Variants in FOXP2 observed in about 807,000 individuals in gnomAD.
FOXP2 encodes forkhead box protein P2.
In FOXP2, 12 loss-of-function variants were observed where a neutral mutation model predicts 115.8. The ratio of observed to expected loss-of-function variants is 0.10; its 90% CI spans 0.07 to 0.17. The LOEUF is 0.17. Ranked by LOEUF, FOXP2 falls within the 10% of genes least tolerant of loss-of-function variation. The probability of loss-of-function intolerance (pLI) is 1.00; values close to 1 mark genes in which losing one functional copy is unlikely to be tolerated. For synonymous variants in FOXP2, 328 were observed against 297.7 expected, an observed-to-expected ratio of 1.10 and a Z score of -1.05; for missense variants, 629 against 843.5, an observed-to-expected ratio of 0.75 and a Z score of 3.15.
intron 2 of FOXP2, among the ~76,000 whole-genome samples, chr7:114,362,235 G>A (rs542223444): frequency 6.6e-6 from 1 of 151,862 alleles, no homozygotes; most frequent in Non-Finnish European, 1.5e-5. Context: ...TACAAAAATG[G>A]CAATGAAAAT....
chr7:114,366,257 G>C (rs558393490), intron 2 of FOXP2, among the ~76,000 whole-genome samples: 58 of 152,100 alleles, frequency 3.8e-4, no homozygotes, highest in African/African-American at 1.4e-3. Flanking sequence ...AATAAGGCTT[G>C]GTAATAGCTG....
intron 1 of FOXP2, among the ~76,000 whole-genome samples, chr7:114,174,037 A>G (rs927612634): frequency 1.3e-5 from 2 of 152,022 alleles, no homozygotes; most frequent in Non-Finnish European, 2.9e-5. Context: ...ATAAAATTTA[A>G]ATGATCAAAT....
intron 1 of FOXP2, among the ~76,000 whole-genome samples, chr7:114,244,901 A>C (rs1002340370): frequency 5.3e-5 from 8 of 151,892 alleles, no homozygotes; most frequent in Middle Eastern, 6.8e-3. Context: ...AGCTAGGACT[A>C]CAGGCGCCCA....
chr7:114,449,673 CT>C (rs1240607756), intron 2 of FOXP2, among the ~76,000 whole-genome samples: 1 of 152,078 alleles, frequency 6.6e-6, no homozygotes, highest in East Asian at 1.9e-4. Flanking sequence ...TTAGTCCCTA[CT>C]TTGCCAATGA....
At chr7:114,147,716 A>G (rs1263446577) in intron 1 of FOXP2, among the ~76,000 whole-genome samples, 2 of 152,236 alleles carry the variant, frequency 1.3e-5, no homozygotes, top group Non-Finnish European at 2.9e-5. Context: ...CCAAAGAAAA[A>G]TGAGCTAGTT....
intron 2 of FOXP2, among the ~76,000 whole-genome samples, chr7:114,506,271 A>G (rs1423091660): frequency 2.6e-5 from 4 of 151,722 alleles, no homozygotes; most frequent in Non-Finnish European, 5.9e-5. Flanking sequence ...GATTACGTGA[A>G]TCTGACCTAA....
intron 2 of FOXP2, chr7:114,463,013 T>G (rs1795645870): frequency 2.4e-6 from 1 of 416,632 alleles, no homozygotes; most frequent in Non-Finnish European, 4.7e-6. Flanking sequence ...TATGCATTGT[T>G]GTATTTTTTA....
chr7:114,506,495 TG>T (rs770994550), intron 2 of FOXP2, among the ~76,000 whole-genome samples: 5 of 151,680 alleles, frequency 3.3e-5, no homozygotes, highest in Non-Finnish European at 5.9e-5. Context: ...AATTTAATCA[TG>T]GATTATCAAA....
At chr7:114,387,642 C>T (rs1428556097) in intron 2 of FOXP2, among the ~76,000 whole-genome samples, 2 of 151,784 alleles carry the variant, frequency 1.3e-5, no homozygotes, top group Non-Finnish European at 2.9e-5. Context: ...AATAGACACA[C>T]AAAACAACTT....
chr7:114,534,428 A>G (rs1357450352), intron 2 of FOXP2, among the ~76,000 whole-genome samples, 189 bp from the exon 3 acceptor site: 1 of 151,850 alleles, frequency 6.6e-6, no homozygotes, highest in Non-Finnish European at 1.5e-5. Flanking sequence ...TTTCTCTGTG[A>G]TTTGGAGTAA....
upstream of FOXP2, among the ~76,000 whole-genome samples, chr7:114,158,188 A>G (rs1363573784): frequency 1.3e-5 from 2 of 152,088 alleles, no homozygotes; most frequent in Admixed American, 1.3e-4. Context: ...AGTGTGTTGT[A>G]TAGCAAAATA....
At chr7:114,684,099 C>T (rs1160117189) in intron 16 of FOXP2, among the ~76,000 whole-genome samples, 1 of 152,060 alleles carries the variant, frequency 6.6e-6, no homozygotes, top group Non-Finnish European at 1.5e-5. Flanking sequence ...GGCTGGCATT[C>T]CTCCCACCTC....
chr7:114,309,108 G>A (rs898680806), intron 2 of FOXP2, among the ~76,000 whole-genome samples: 1 of 152,168 alleles, frequency 6.6e-6, no homozygotes, highest in Non-Finnish European at 1.5e-5. Context: ...GCAGCAGAGA[G>A]CAGGTTTGTT....
At chr7:114,466,778 G>T (rs1385564838) in intron 2 of FOXP2, among the ~76,000 whole-genome samples, 1 of 152,170 alleles carries the variant, frequency 6.6e-6, no homozygotes, top group Non-Finnish European at 1.5e-5. Flanking sequence ...ACAAAAGGAA[G>T]AGACATGTTT....
chr7:114,257,682 T>C lies in FOXP2; in HGVS notation c.-101-30337T>C, dbSNP rs184831939. On this transcript the variant is annotated intron_variant, in intron 1 of 17. Transcript: ENST00000634411. ...GTTAGCCAGGATGCTCTTGATTTCC[T>C]GACCTTGTGATCCACCAGCTTCGGC... Among the ~76,000 whole-genome samples, 454 of 152,250 alleles carry C rather than the reference T, an allele frequency of 3.0e-3. 4 individuals carry two copies. The highest frequency in any genetic ancestry group is 0.011 in the African/African-American group (439 of 41,542).
chr7:114,132,643 G>A (rs1791922633), intron 1 of FOXP2, among the ~76,000 whole-genome samples: 1 of 145,458 alleles, frequency 6.9e-6, no homozygotes, highest in Non-Finnish European at 1.5e-5. Context: ...ATTTTAGATG[G>A]AATGGCCAGG....
chr7:114,373,899 T>C lies in FOXP2; in HGVS notation c.-10-52603T>C, dbSNP rs947440064. On this transcript the variant is annotated intron_variant, in intron 2 of 17. Coordinates refer to the FOXP2 transcript ENST00000634411. ...AGAATGGGTTATAAGTAGCAGAGCCTGAGGTTCAAACTCTGAATTTCAAAA... is the reference window on the plus strand; with the variant it reads ...AGAATGGGTTATAAGTAGCAGAGCCCGAGGTTCAAACTCTGAATTTCAAAA... Among the ~76,000 whole-genome samples, 4 of 152,318 alleles carry C rather than the reference T, an allele frequency of 2.6e-5. No homozygotes were observed. In the East Asian group the frequency reaches 7.7e-4, roughly 29 times the overall value.
intron 3 of FOXP2, among the ~76,000 whole-genome samples, chr7:114,615,255 T>A (rs949577070): frequency 6.6e-6 from 1 of 152,110 alleles, no homozygotes; most frequent in Non-Finnish European, 1.5e-5. Flanking sequence ...TTTCTTCTAA[T>A]CCACATACCC....
intron 3 of FOXP2, among the ~76,000 whole-genome samples, chr7:114,586,984 C>T (rs188440464): frequency 3.3e-5 from 5 of 151,838 alleles, no homozygotes; most frequent in African/African-American, 9.6e-5. Context: ...TTAATAAAGC[C>T]AAATTAACCA....
Sources: gnomAD v4.1 joint callset for allele counts (sites outside exome capture counted in the v4.1 genomes callset) on GRCh38, gnomAD v4.1.1 for gene constraint, MANE v1.5 for transcripts, NCBI Gene and HGNC (gene_info 2026-07-23, HGNC 2026-07-21) for gene names.